BTRC: variants seen among roughly 807,000 people sequenced by gnomAD.
The protein encoded by BTRC is beta-transducin repeat containing E3 ubiquitin protein ligase.
Under a neutral mutation model 85.5 loss-of-function variants are expected in BTRC, and 42 were observed. That is an observed-to-expected ratio of 0.49 (90% CI 0.38 to 0.64). BTRC has a LOEUF of 0.64. Among genes scored for constraint, BTRC ranks in the 30% least tolerant of loss-of-function variants. The probability of loss-of-function intolerance (pLI) is 0.00; values close to 1 mark genes in which losing one functional copy is unlikely to be tolerated. For missense variants in BTRC, 594 were observed against 743.5 expected (o/e 0.80, Z 2.34); for synonymous variants, 255 against 263.3 (o/e 0.97, Z 0.30).
At chr10:101,367,655 G>T (rs1465948069) in intron 1 of BTRC, among the ~76,000 whole-genome samples, 1 of 152,080 alleles carries the variant, frequency 6.6e-6, no homozygotes, top group African/African-American at 2.4e-5. Context: ...CTGTAGATTA[G>T]TTTTACTGTT....
chr10:101,543,615 C>CTTT (rs60958588), intron 13 of BTRC, among the ~76,000 whole-genome samples: 9 of 147,124 alleles, frequency 6.1e-5, no homozygotes, highest in African/African-American at 1.5e-4. Context: ...TTTTCATGCT[C>CTTT]TTTTTTTTTT....
At chr10:101,531,939 T>TCATCAGTAGC (rs1475089913) in intron 7 of BTRC, among the ~76,000 whole-genome samples, 1 of 152,172 alleles carries the variant, frequency 6.6e-6, no homozygotes. Context: ...CCTTAGAAGT[T>TCATCAGTAGC]CATCAGTAGC....
intron 3 of BTRC, among the ~76,000 whole-genome samples, chr10:101,475,726 A>G (rs1199693975): frequency 4.0e-5 from 6 of 151,770 alleles, no homozygotes; most frequent in Non-Finnish European, 8.8e-5. Flanking sequence ...AAATAAATAA[A>G]TGAGGGGTGA....
At chr10:101,517,909 CTTTTTTTT>C (rs142382301) in intron 4 of BTRC, among the ~76,000 whole-genome samples, 1 of 116,140 alleles carries the variant, frequency 8.6e-6, no homozygotes, top group East Asian at 2.6e-4. Flanking sequence ...GAAGTAGTGT[CTTTTTTTT>C]TTTTTTTTTT....
intron 13 of BTRC, among the ~76,000 whole-genome samples, chr10:101,538,577 G>A (rs1234498701): frequency 6.6e-6 from 1 of 152,154 alleles, no homozygotes; most frequent in Non-Finnish European, 1.5e-5. Context: ...TATATGGAGA[G>A]AAATGTGGCA....
chr10:101,360,978 T>C (rs1942188913), intron 1 of BTRC, among the ~76,000 whole-genome samples: 1 of 152,134 alleles, frequency 6.6e-6, no homozygotes, highest in African/African-American at 2.4e-5. Flanking sequence ...GCTATATTTT[T>C]ATTTTTTTGT....
chr10:101,421,704 G>C (rs535173869), intron 1 of BTRC, among the ~76,000 whole-genome samples: 24 of 142,146 alleles, frequency 1.7e-4, no homozygotes, highest in Non-Finnish European at 3.3e-4. Context: ...TTCCCACCAA[G>C]AGTGAGAACG....
At chr10:101,485,616 A>C (rs1235767962) in intron 4 of BTRC, among the ~76,000 whole-genome samples, 3 of 152,224 alleles carry the variant, frequency 2.0e-5, no homozygotes, top group Non-Finnish European at 4.4e-5. Flanking sequence ...AAATTTCTTC[A>C]GTGAACTCTA....
intron 9 of BTRC, among the ~76,000 whole-genome samples, chr10:101,533,921 T>A (rs1244610200): frequency 6.6e-6 from 1 of 151,918 alleles, no homozygotes; most frequent in Non-Finnish European, 1.5e-5. Context: ...CCCCACAGAA[T>A]CTAAAACACT....
intron 1 of BTRC, among the ~76,000 whole-genome samples, chr10:101,406,008 TGA>T (rs995414260): frequency 3.3e-5 from 5 of 152,052 alleles, no homozygotes; most frequent in Non-Finnish European, 5.9e-5. Context: ...TATCAATAGC[TGA>T]GAGAGTTATG....
intron 2 of BTRC, among the ~76,000 whole-genome samples, chr10:101,444,493 G>A (rs1483132696): frequency 6.6e-6 from 1 of 152,144 alleles, no homozygotes; most frequent in Non-Finnish European, 1.5e-5. Context: ...GTTTTTCACA[G>A]AGTGTGGTAA....
chr10:101,401,669 A>G (rs556940445), intron 1 of BTRC, among the ~76,000 whole-genome samples: 2 of 152,162 alleles, frequency 1.3e-5, no homozygotes, highest in African/African-American at 2.4e-5. Flanking sequence ...AAATACAAAT[A>G]TTGAGTGAAT....
chr10:101,554,381 A>G lies in BTRC; in HGVS notation c.*1258A>G, dbSNP rs184229997. On this transcript the variant is annotated 3_prime_UTR_variant, in exon 15 of 15. Transcript: ENST00000370187. ...CCAAGACCGTGATCAAGGTAGCTTA[A>G]GAGAGATGGTCAGGAGAAAACACTG... 3 of 152,316 alleles carry G rather than the reference A, an allele frequency of 2.0e-5. No homozygotes were observed. Among genetic ancestry groups the G allele is most frequent in the Non-Finnish European group, 4.4e-5 (3 of 68,036 alleles). The allele number at this position is 152,316 out of a possible 1,614,324, so 9.4% of individuals were successfully genotyped here. A position where few individuals can be genotyped will look rare whatever the true frequency, so the allele number is the denominator to read the frequency against.
chr10:101,413,180 A>T (rs541941768), intron 1 of BTRC, among the ~76,000 whole-genome samples: 1 of 152,182 alleles, frequency 6.6e-6, no homozygotes, highest in South Asian at 2.1e-4. Flanking sequence ...GCTAGAGTGC[A>T]GTGGTGCAAT....
chr10:101,366,948 T>TTATATAAATATATATTTATATA, intron 1 of BTRC, among the ~76,000 whole-genome samples: 1 of 25,440 alleles, frequency 3.9e-5, no homozygotes, highest in Non-Finnish European at 9.0e-5. Context: ...TTATATATAT[T>TTATATAAATATATATTTATATA]TATATATATA....
At chr10:101,412,358 C>G (rs191693679) in intron 1 of BTRC, among the ~76,000 whole-genome samples, 1 of 152,136 alleles carries the variant, frequency 6.6e-6, no homozygotes, top group African/African-American at 2.4e-5. Flanking sequence ...ACAGTACCTT[C>G]GGGTAGAAGA....
chr10:101,428,135 G>C (rs143155241), intron 1 of BTRC, among the ~76,000 whole-genome samples: 2 of 152,130 alleles, frequency 1.3e-5, no homozygotes, highest in African/African-American at 4.8e-5. Context: ...GTAAATGGTC[G>C]ATATGGATTG....
At position 101,533,049 on chromosome 10, in the gene BTRC, G is replaced by T; in HGVS notation, c.1076G>T (p.Gly359Val). 6.2e-7 allele frequency: 1 copy of T among 1,611,272 alleles called. No individual in the cohort carries two copies. Among genetic ancestry groups the T allele is most frequent in the Non-Finnish European group, 8.5e-7 (1 of 1,177,776 alleles). ...LQYDERVIIT[G>V]SSDSTVRVWD... ...TATGATGAGAGAGTGATCATAACAGGATCATCGGATTCCACGGTCAGGTAG... is the reference window on the plus strand; with the variant it reads ...TATGATGAGAGAGTGATCATAACAGTATCATCGGATTCCACGGTCAGGTAG... The change falls in exon 9 of 15, where the codon GGA (glycine) becomes GTA (valine). Residue 359 changes from glycine to valine, a missense_variant. Physicochemically the swap from Gly to Val is moderately radical, Grantham distance 109. Transcript: ENST00000370187.
At chr10:101,366,949 TATATATATATTTATATAA>T (rs1942447075) in intron 1 of BTRC, among the ~76,000 whole-genome samples, 1 of 39,502 alleles carries the variant, frequency 2.5e-5, no homozygotes, top group Non-Finnish European at 5.3e-5. Flanking sequence ...TATATATATT[TATATATATATTTATATAA>T]ATATATATTT....
Sources: allele counts gnomAD v4.1 joint callset (sites outside exome capture counted in the v4.1 genomes callset), GRCh38; gene constraint gnomAD v4.1.1; transcripts MANE v1.5; gene names NCBI Gene and HGNC (gene_info 2026-07-23, HGNC 2026-07-21).